The following SIPA1L1 variants were observed in gnomAD, a reference collection of about 807,000 sequenced individuals.
SIPA1L1 encodes the protein signal induced proliferation associated 1 like 1.
Under a neutral mutation model 162.7 loss-of-function variants are expected in SIPA1L1, and 26 were observed. The observed-to-expected ratio is 0.16, with a 90% confidence interval of 0.12 to 0.22. The LOEUF (loss-of-function observed/expected upper bound fraction) is 0.22. SIPA1L1 is among the 10% of genes least tolerant of loss of function. The pLI, the probability that SIPA1L1 is intolerant of heterozygous loss-of-function variation, is 1.00. For synonymous variants in SIPA1L1, 829 were observed against 837.4 expected, an observed-to-expected ratio of 0.99 and a Z score of 0.17; for missense variants, 1,874 against 2,241.0, an observed-to-expected ratio of 0.84 and a Z score of 3.31.
chr14:71,620,084 T>C (rs1380828253), intron 6 of SIPA1L1, among the ~76,000 whole-genome samples: 1 of 152,214 alleles, frequency 6.6e-6, no homozygotes, highest in African/African-American at 2.4e-5. Flanking sequence ...TGTTTGTTTG[T>C]TTTTGAGACA....
At chr14:71,407,901 T>C (rs939262643) in intron 2 of SIPA1L1, among the ~76,000 whole-genome samples, 2 of 152,204 alleles carry the variant, frequency 1.3e-5, no homozygotes, top group African/African-American at 4.8e-5. Context: ...GAAGCTAGGC[T>C]TAAAATTATC....
In SIPA1L1 at chr14:71,624,216, A is replaced by T. The variant is rs879408383; in HGVS notation, c.1798A>T (p.Met600Leu). The T allele has an allele frequency of 1.9e-6, 3 of 1,608,254 alleles. No individual in the cohort carries two copies. Among genetic ancestry groups the T allele is most frequent in the Non-Finnish European group, 2.6e-6 (3 of 1,175,464 alleles). Reference sequence around the variant, plus strand: ...CACACCCAAGGTCACAGAGCAGCTCATGAAACTGGATGAACAAGGGGTGAG... The same window carrying T: ...CACACCCAAGGTCACAGAGCAGCTCTTGAAACTGGATGAACAAGGGGTGAG... ...FNTPKVTEQLMKLDEQGLNYQ... is the reference protein window; with the variant it reads ...FNTPKVTEQLLKLDEQGLNYQ... Residue 600 changes from methionine (M) to leucine (L), a missense_variant, in exon 7 of 24, where the codon ATG becomes TTG. Met to Leu is a conservative substitution (Grantham distance 15, BLOSUM62 2). This residue lies in a region of SIPA1L1 where 685 missense variants were observed against 828.0 expected (regional missense o/e 0.83). Coordinates refer to ENST00000381232, the MANE Select transcript of SIPA1L1 (RefSeq NM_001386936.1).
chr14:71,540,317 T>G (rs942592093), intron 4 of SIPA1L1, among the ~76,000 whole-genome samples: 32 of 152,220 alleles, frequency 2.1e-4, no homozygotes, highest in African/African-American at 7.5e-4. Context: ...CAGTGCATAC[T>G]GAAATCAAAA....
At chr14:71,571,480 C>T (rs2032001962) in intron 4 of SIPA1L1, among the ~76,000 whole-genome samples, 1 of 151,930 alleles carries the variant, frequency 6.6e-6, no homozygotes. Context: ...TAAAAAAAAT[C>T]CAGAAAAGAG....
At chr14:71,422,854 C>G (rs2043288887) in intron 2 of SIPA1L1, among the ~76,000 whole-genome samples, 1 of 152,188 alleles carries the variant, frequency 6.6e-6, no homozygotes, top group Non-Finnish European at 1.5e-5. Context: ...GAAGTAGAAT[C>G]ATTGGATCAT....
At chr14:71,694,225 C>T (rs1352050860) in intron 13 of SIPA1L1, among the ~76,000 whole-genome samples, 4 of 151,618 alleles carry the variant, frequency 2.6e-5, no homozygotes, top group African/African-American at 4.8e-5. Flanking sequence ...GTTAGAAATC[C>T]GTGTGTGTGT....
intron 4 of SIPA1L1, among the ~76,000 whole-genome samples, chr14:71,555,727 G>A (rs1002394554): frequency 2.2e-4 from 34 of 152,108 alleles, no homozygotes; most frequent in African/African-American, 7.7e-4. Flanking sequence ...TCACTTTCAA[G>A]TTTCGCTTGA....
intron 10 of SIPA1L1, among the ~76,000 whole-genome samples, chr14:71,663,916 A>G (rs1417266904): frequency 6.6e-6 from 1 of 152,228 alleles, no homozygotes; most frequent in Non-Finnish European, 1.5e-5. Flanking sequence ...AGTTTGTAAC[A>G]TCACTGAAAG....
chr14:71,671,773 C>A, intron 11 of SIPA1L1, 81 bp downstream of exon 11: 2 of 1,041,060 alleles, frequency 1.9e-6, no homozygotes, highest in Non-Finnish European at 2.8e-6. Context: ...AGTTACTGAA[C>A]CTTGTGCTCT....
At chr14:71,622,248 A>G (rs1299178101) in intron 6 of SIPA1L1, among the ~76,000 whole-genome samples, 2 of 152,250 alleles carry the variant, frequency 1.3e-5, no homozygotes, top group African/African-American at 4.8e-5. Context: ...AAAAGAAGAT[A>G]TATACCTTTG....
At chr14:71,722,373 G>A (rs1314888572) in intron 17 of SIPA1L1, among the ~76,000 whole-genome samples, 2 of 152,334 alleles carry the variant, frequency 1.3e-5, no homozygotes, top group African/African-American at 4.8e-5. Flanking sequence ...ACTAGAGTCT[G>A]TACTTTATTT....
rs150412570 is a variant in SIPA1L1 at position 71,536,010 on chromosome 14, C to T, written c.-303+6640C>T. On this transcript the variant is annotated intron_variant, in intron 4 of 23. Transcript: ENST00000381232. ...TTCTGTCTGTTGCCTTGCCATCCTA[C>T]GGCAGCTTCACGTAACTTAACAATG... Among the ~76,000 whole-genome samples the T allele has an allele frequency of 3.4e-3, 520 of 152,116 alleles. 3 individuals carry two copies. The highest frequency in any genetic ancestry group is 0.012 in the African/African-American group (490 of 41,512).
chr14:71,689,135 C>T (rs2081076450), intron 13 of SIPA1L1, among the ~76,000 whole-genome samples: 1 of 152,076 alleles, frequency 6.6e-6, no homozygotes, highest in African/African-American at 2.4e-5. Flanking sequence ...TAATATTTTT[C>T]CTTTAATATC....
intron 2 of SIPA1L1, among the ~76,000 whole-genome samples, chr14:71,431,862 A>T (rs2044013963): frequency 6.6e-6 from 1 of 152,188 alleles, no homozygotes; most frequent in African/African-American, 2.4e-5. Flanking sequence ...AAAGGCATGC[A>T]AATTTATTTA....
chr14:71,518,245 C>T (rs1164451388), intron 3 of SIPA1L1, among the ~76,000 whole-genome samples: 1 of 151,540 alleles, frequency 6.6e-6, no homozygotes, highest in Non-Finnish European at 1.5e-5. Flanking sequence ...GATCATACCA[C>T]TGCACTTCAG....
At chr14:71,553,483 C>G (rs1301934291) in intron 4 of SIPA1L1, among the ~76,000 whole-genome samples, 1 of 152,188 alleles carries the variant, frequency 6.6e-6, no homozygotes, top group Non-Finnish European at 1.5e-5. Context: ...CTCTTCTCTT[C>G]CTCCTTACCT....
At chr14:71,477,167 AG>A (rs1420947480) in intron 2 of SIPA1L1, among the ~76,000 whole-genome samples, 1 of 152,164 alleles carries the variant, frequency 6.6e-6, no homozygotes, top group Non-Finnish European at 1.5e-5. Context: ...AGGCTGAGGC[AG>A]GAGAGTTGCT....
At chr14:71,491,578 A>G (rs2049257002) in intron 2 of SIPA1L1, among the ~76,000 whole-genome samples, 2 of 151,998 alleles carry the variant, frequency 1.3e-5, no homozygotes, top group Non-Finnish European at 2.9e-5. Context: ...TCTGTCGTCC[A>G]GACTGGAGTG....
chr14:71,554,805 C>T (rs529318929), intron 4 of SIPA1L1, among the ~76,000 whole-genome samples: 4 of 152,176 alleles, frequency 2.6e-5, no homozygotes, highest in African/African-American at 7.2e-5. Context: ...TCCTTGCTAT[C>T]CTAAATAATG....
Sources: allele counts gnomAD v4.1 joint callset (sites outside exome capture counted in the v4.1 genomes callset), GRCh38; gene constraint gnomAD v4.1.1; regional missense constraint gnomAD v4.1.1; transcripts MANE v1.5; gene names NCBI Gene and HGNC (gene_info 2026-07-23, HGNC 2026-07-21).